The following NRXN3 variants were observed in gnomAD, a reference collection of about 807,000 sequenced individuals.
NRXN3 encodes neurexin 3.
NRXN3 carries 32 observed loss-of-function variants against 137.6 expected under a neutral mutation model. The ratio of observed to expected loss-of-function variants is 0.23; its 90% CI spans 0.18 to 0.31. The LOEUF is 0.31. Among genes scored for constraint, NRXN3 ranks in the 10% least tolerant of loss-of-function variants. The pLI is 1.00. For missense variants in NRXN3, 1,574 were observed against 2,062.5 expected (o/e 0.76, Z 4.59); for synonymous variants, 798 against 784.5 (o/e 1.02, Z -0.29).
chr14:79,223,031 C>T (rs2070098558), intron 15 of NRXN3, among the ~76,000 whole-genome samples: 1 of 152,094 alleles, frequency 6.6e-6, no homozygotes, highest in African/African-American at 2.4e-5. Context: ...AATGAAATAA[C>T]CAAAGCCTTA....
At chr14:79,681,339 A>G (rs144469685) in intron 17 of NRXN3, among the ~76,000 whole-genome samples, 1 of 152,056 alleles carries the variant, frequency 6.6e-6, no homozygotes, top group Admixed American at 6.6e-5. Flanking sequence ...TCCTGGCTAT[A>G]TCATTTAGGT....
At chr14:78,958,430 A>T (rs896960675) in intron 11 of NRXN3, among the ~76,000 whole-genome samples, 1 of 148,398 alleles carries the variant, frequency 6.7e-6, no homozygotes, top group Non-Finnish European at 1.5e-5. Context: ...ATCTTGGCTC[A>T]CTGCAAGCTC....
At chr14:79,072,552 A>G (rs1379001420) in intron 15 of NRXN3, 2 of 152,216 alleles carry the variant, frequency 1.3e-5, no homozygotes, top group African/African-American at 4.8e-5. Flanking sequence ...AGATAATACA[A>G]TTTTTGTGGT....
chr14:78,693,752 A>G lies in NRXN3; in HGVS notation c.1222-15465A>G, dbSNP rs990719097. On this transcript the variant is annotated intron_variant, in intron 6 of 20. Coordinates refer to ENST00000335750, the MANE Select transcript of NRXN3 (RefSeq NM_001330195.2). ...TTAGTTCATTCCCTATGTGACCACC[A>G]GATTAATCTTTTATATAATACCAAC... Among the ~76,000 whole-genome samples the G allele has an allele frequency of 7.8e-4, 116 of 148,280 alleles. 1 individual carries two copies. The highest frequency in any genetic ancestry group is 2.8e-3 in the African/African-American group (111 of 40,014).
At chr14:78,602,788 G>C (rs2097212936) in intron 4 of NRXN3, among the ~76,000 whole-genome samples, 1 of 152,182 alleles carries the variant, frequency 6.6e-6, no homozygotes, top group South Asian at 2.1e-4. Context: ...CAGAGTCCTT[G>C]ATCAGAGATA....
chr14:79,453,915 G>C (rs1293270955), intron 15 of NRXN3, among the ~76,000 whole-genome samples: 1 of 151,786 alleles, frequency 6.6e-6, no homozygotes, highest in Non-Finnish European at 1.5e-5. Flanking sequence ...TCGTGTCTGG[G>C]GTATTGCAGC....
chr14:78,250,072 C>G (rs148036954), intron 2 of NRXN3: 23 of 516,136 alleles, frequency 4.5e-5, no homozygotes, highest in African/African-American at 1.3e-4. Context: ...TCTTGACATG[C>G]GATTATGATT....
intron 10 of NRXN3, among the ~76,000 whole-genome samples, chr14:78,950,032 C>T (rs1306679127): frequency 2.6e-5 from 4 of 152,026 alleles, no homozygotes; most frequent in African/African-American, 4.8e-5. Flanking sequence ...TAAGATCACA[C>T]GATCAGACTC....
chr14:78,728,244 T>A (rs936301041), intron 8 of NRXN3, among the ~76,000 whole-genome samples: 3 of 152,364 alleles, frequency 2.0e-5, no homozygotes, highest in Middle Eastern at 3.4e-3. Flanking sequence ...TGATTTTTTT[T>A]AACATGTAAT....
In NRXN3 at chr14:79,412,172, T is replaced by C. The variant is rs150756395; in HGVS notation, c.3263-55049T>C. Among the ~76,000 whole-genome samples, 1,289 of 152,240 alleles carry C rather than the reference T, an allele frequency of 8.5e-3. 14 individuals are homozygous for C. The highest frequency in any genetic ancestry group is 0.029 in the African/African-American group (1,216 of 41,554). On this transcript the variant is annotated intron_variant, in intron 15 of 20. Coordinates refer to ENST00000335750, the MANE Select transcript of NRXN3 (RefSeq NM_001330195.2). ...GGCACCAAGTATATATGGTCCTGGC[T>C]CTGACATTTGCTTGCTCCTTGACGT...
At chr14:78,702,952 AG>A (rs1266821973) in intron 6 of NRXN3, among the ~76,000 whole-genome samples, 1 of 152,202 alleles carries the variant, frequency 6.6e-6, no homozygotes. Context: ...TACATTCTAC[AG>A]TATAAGAACA....
intron 4 of NRXN3, among the ~76,000 whole-genome samples, chr14:78,340,979 G>T (rs1244824226): frequency 6.6e-6 from 1 of 152,044 alleles, no homozygotes; most frequent in Non-Finnish European, 1.5e-5. Flanking sequence ...TAGGACACTC[G>T]GTTAAATGTG....
At chr14:79,062,836 C>G (rs59721118) in intron 15 of NRXN3, among the ~76,000 whole-genome samples, 1 of 151,926 alleles carries the variant, frequency 6.6e-6, no homozygotes, top group Non-Finnish European at 1.5e-5. Context: ...ATATAAAACA[C>G]GAAACAAAAA....
At chr14:79,187,418 G>C (rs2063667425) in intron 15 of NRXN3, among the ~76,000 whole-genome samples, 1 of 152,134 alleles carries the variant, frequency 6.6e-6, no homozygotes, top group African/African-American at 2.4e-5. Context: ...CCATTTTAGA[G>C]ATAGCAGTTA....
chr14:79,530,399 GA>G (rs1463234356), intron 16 of NRXN3, among the ~76,000 whole-genome samples: 2 of 151,972 alleles, frequency 1.3e-5, no homozygotes, highest in Non-Finnish European at 1.5e-5. Flanking sequence ...GGTATGAGTG[GA>G]GGGGTGGCTA....
chr14:78,579,107 T>G (rs1342211396), intron 4 of NRXN3, among the ~76,000 whole-genome samples: 8 of 152,156 alleles, frequency 5.3e-5, no homozygotes, highest in Admixed American at 5.2e-4. Context: ...TTGATCATAC[T>G]AGGATTCAAG....
intron 4 of NRXN3, among the ~76,000 whole-genome samples, chr14:78,516,403 C>T (rs2096208559): frequency 6.7e-6 from 1 of 148,442 alleles, no homozygotes; most frequent in Non-Finnish European, 1.5e-5. Context: ...GAGAGATTGG[C>T]TGTGGAGAGT....
intron 19 of NRXN3, among the ~76,000 whole-genome samples, chr14:79,747,517 T>C (rs532111100): frequency 2.9e-4 from 44 of 152,092 alleles, no homozygotes; most frequent in Non-Finnish European, 5.3e-4. Flanking sequence ...AATATCCTAT[T>C]GTGGAATTCT....
At chr14:79,568,192 G>A (rs892897010) in intron 16 of NRXN3, among the ~76,000 whole-genome samples, 6 of 152,252 alleles carry the variant, frequency 3.9e-5, no homozygotes, top group South Asian at 2.1e-4. Context: ...TCTTGTGTCC[G>A]CTCAGCTATG....
Sources: allele counts gnomAD v4.1 joint callset (sites outside exome capture counted in the v4.1 genomes callset), GRCh38; gene constraint gnomAD v4.1.1; transcripts MANE v1.5; gene names NCBI Gene and HGNC (gene_info 2026-07-23, HGNC 2026-07-21).